The following CAMKV variants were observed in gnomAD, a reference collection of about 807,000 sequenced individuals.
CAMKV encodes the protein CaM kinase like vesicle associated, also known as caM kinase-like vesicle-associated protein.
In CAMKV, 5 loss-of-function variants were observed where a neutral mutation model predicts 50.2. That is an observed-to-expected ratio of 0.10 (90% CI 0.05 to 0.21). CAMKV has a LOEUF of 0.21. Among genes scored for constraint, CAMKV ranks in the 10% least tolerant of loss-of-function variants. The pLI is 1.00. For synonymous variants in CAMKV, 229 were observed against 250.1 expected (o/e 0.92, Z 0.80); for missense variants, 361 against 650.5 (o/e 0.55, Z 4.84).
intron 1 of CAMKV, among the ~76,000 whole-genome samples, chr3:49,865,758 G>C (rs1024311218): frequency 6.6e-6 from 1 of 152,216 alleles, no homozygotes; most frequent in Non-Finnish European, 1.5e-5. Context: ...GATGCTCGAA[G>C]GCCAGACTCA....
Position 49,859,499 on chromosome 3 carries a change from G to T in CAMKV, c.1325C>A (p.Thr442Asn). 1.2e-6 allele frequency: 2 copies of T among 1,614,210 alleles called. No homozygotes were observed. The highest frequency in any genetic ancestry group is 1.7e-6 in the Non-Finnish European group (2 of 1,180,024). The change falls in exon 11 of 11, where the codon ACT (threonine) becomes AAT (asparagine). Residue 442 changes from threonine to asparagine, a missense_variant. Physicochemically the swap from Thr to Asn is moderately conservative, Grantham distance 65. This residue lies in a region of CAMKV where 75 missense variants were observed against 84.2 expected (regional missense o/e 0.89). Coordinates refer to ENST00000477224, the MANE Select transcript of CAMKV (RefSeq NM_024046.5). This position sits in a 1 kb window ranked among gnomAD's most constrained non-coding sequence, Gnocchi z 5.5. ...GGCACTGCTTTGGGTGGTGGGCACA[G>T]TGCTCTCTTCTGTGGCTGGTGTGGC... The part of the protein sequence containing the change: ...GRATPATEES[T>N]VPTTQSSAML...
rs1342996771 is a variant in CAMKV, at chr3:49,862,928, A to T, written c.-14-526T>A. 6.6e-6 allele frequency among the ~76,000 whole-genome samples: 1 copy of T among 152,252 alleles called. No individual in the cohort carries two copies. Among genetic ancestry groups the T allele is most frequent in the Non-Finnish European group, 1.5e-5 (1 of 68,048 alleles). ...GCACTCCTAAATACGTGCCTACAGA[A>T]GTGCACATATTCGTGCATCAGGACA... On this transcript the variant is annotated intron_variant, in intron 1 of 10. Transcript: ENST00000477224. The surrounding 1 kb of genome is among the most constrained non-coding windows in gnomAD (Gnocchi z 5.2).
chr3:49,859,275 A>G lies in CAMKV; in HGVS notation c.*43T>C. 6 of 1,467,484 alleles carry G rather than the reference A, an allele frequency of 4.1e-6. No homozygotes were observed. Among genetic ancestry groups the G allele is most frequent in the Non-Finnish European group, 5.5e-6 (6 of 1,100,196 alleles). 90.9% of individuals were successfully genotyped at this position (1,467,484 alleles called of 1,614,324 possible). ...TGAGAAGCCCCTCATCCACTCTCCCACCCTCCTGCCCATCCCCTGCCCCCC... is the reference window on the plus strand; with the variant it reads ...TGAGAAGCCCCTCATCCACTCTCCCGCCCTCCTGCCCATCCCCTGCCCCCC... On this transcript the variant is annotated 3_prime_UTR_variant, in exon 11 of 11. Transcript: ENST00000477224. The surrounding 1 kb of genome is among the most constrained non-coding windows in gnomAD (Gnocchi z 5.5).
At chr3:49,866,969 A>G (rs2082070251) in intron 1 of CAMKV, among the ~76,000 whole-genome samples, 1 of 152,172 alleles carries the variant, frequency 6.6e-6, no homozygotes, top group African/African-American at 2.4e-5. Context: ...GCTTGCAGTA[A>G]ATCTAGGGAG....
chr3:49,864,018 G>T lies in CAMKV; in HGVS notation c.-14-1616C>A, dbSNP rs376013952. Among the ~76,000 whole-genome samples, 25 of 152,252 alleles carry T rather than the reference G, an allele frequency of 1.6e-4. No individual in the cohort carries two copies. The East Asian group carries it at 2.1e-3, about 13-fold the overall frequency. The stretch of plus-strand genomic sequence containing the variant: ...TACCCTCACAAACTCTTTTCTGGAA[G>T]AATACTGAAGGAAATAAGAGTTCTC... On this transcript the variant is annotated intron_variant, in intron 1 of 10. Transcript: ENST00000477224.
Position 49,862,132 on chromosome 3 carries a change from C to G in CAMKV, c.140G>C (p.Gly47Ala). 1 of 1,614,220 alleles carries G rather than the reference C, an allele frequency of 6.2e-7. No homozygotes were observed. The highest frequency in any genetic ancestry group is 8.5e-7 in the Non-Finnish European group (1 of 1,180,044). The change falls in exon 3 of 11, where the codon GGC (glycine) becomes GCC (alanine). Residue 47 changes from glycine to alanine, a missense_variant. Gly to Ala is a moderately conservative substitution (Grantham distance 60). This residue lies in a region of CAMKV where 172 missense variants were observed against 414.3 expected (regional missense o/e 0.42). Coordinates refer to ENST00000477224, the MANE Select transcript of CAMKV (RefSeq NM_024046.5). The surrounding 1 kb of genome is among the most constrained non-coding windows in gnomAD (Gnocchi z 5.2). ...EIFRAKDKTT[G>A]KLHTCKKFQK... is the part of the protein sequence containing the mutation. ...GAACTTCTTGCAGGTGTGCAGCTTG[C>G]CTGTCGTCTTGTCCTTGGCCCGGAA...
At position 49,861,298 on chromosome 3, in the gene CAMKV, C is replaced by G. The variant is rs2082019363; in HGVS notation, c.444G>C (p.Leu148=). ...GCCGGTTGTAGTAAACCAGGTTCTC[C>G]AGCTGTGGTGTGAGAATAGCATGTG... ...SLKIVHRNLK[L]ENLVYYNRLK... Residue 148 remains leucine, a splice_region_variant and synonymous_variant, in exon 6 of 11, where the codon CTG becomes CTC. Coordinates refer to ENST00000477224, the MANE Select transcript of CAMKV (RefSeq NM_024046.5). The surrounding 1 kb of genome is among the most constrained non-coding windows in gnomAD (Gnocchi z 7.7). 2 of 1,614,106 alleles carry G rather than the reference C, an allele frequency of 1.2e-6. No homozygotes were observed. Among genetic ancestry groups the G allele is most frequent in the African/African-American group, 2.7e-5 (2 of 75,052 alleles).
chr3:49,861,196 C>T lies in CAMKV; in HGVS notation c.546G>A (p.Gly182=), dbSNP rs1575406579. 2 of 1,611,330 alleles carry T rather than the reference C, an allele frequency of 1.2e-6. No homozygotes were observed. Among genetic ancestry groups the T allele is most frequent in the East Asian group, 4.5e-5 (2 of 44,694 alleles). ...CCTGCTTGCCCAGATACTCGGGGGT[C>T]CCACAGGGCTCCTTGATGAGGCCAT... The part of the protein sequence containing the change: ...LENGLIKEPC[G]TPEYLAPEVV... Residue 182 remains glycine (G), a synonymous_variant, in exon 6 of 11, where the codon GGG becomes GGA. Transcript: ENST00000477224. This position sits in a 1 kb window ranked among gnomAD's most constrained non-coding sequence, Gnocchi z 7.7.
intron 1 of CAMKV, among the ~76,000 whole-genome samples, chr3:49,865,907 G>C (rs925325308): frequency 1.3e-5 from 2 of 152,308 alleles, no homozygotes; most frequent in East Asian, 3.9e-4. Flanking sequence ...CCCAGCTTTC[G>C]GCTCTGCATA....
At chr3:49,864,137 G>A (rs768680777) in intron 1 of CAMKV, among the ~76,000 whole-genome samples, 11 of 152,286 alleles carry the variant, frequency 7.2e-5, no homozygotes, top group African/African-American at 9.6e-5. Flanking sequence ...TAATGACTTC[G>A]ATGAATTTAG....
chr3:49,869,300 C>T lies in CAMKV; in HGVS notation c.-15+458G>A, dbSNP rs974617881. On this transcript the variant is annotated intron_variant, in intron 1 of 10. Coordinates refer to ENST00000477224, the MANE Select transcript of CAMKV (RefSeq NM_024046.5). The surrounding 1 kb of genome is among the most constrained non-coding windows in gnomAD (Gnocchi z 5.2). ...CCCAGGGGCTTGGAGCTTCCTCCCC[C>T]ACCCCGCGGCAGCCCCGCCCAGCCC... 1.3e-5 allele frequency among the ~76,000 whole-genome samples: 2 copies of T among 152,188 alleles called. No individual in the cohort carries two copies. The highest frequency in any genetic ancestry group is 2.9e-5 in the Non-Finnish European group (2 of 68,034).
chr3:49,860,674 C>A lies in CAMKV; in HGVS notation c.775+42G>T. 1 of 1,613,032 alleles carries A rather than the reference C, an allele frequency of 6.2e-7. No homozygotes were observed. Among genetic ancestry groups the A allele is most frequent in the Non-Finnish European group, 8.5e-7 (1 of 1,179,190 alleles). ...AGATGAGAGCAGGACACCCTCCCCA[C>A]TCCCTTGCGTTCTACCAAGTGCTGG... On this transcript the variant is annotated intron_variant, in intron 8 of 10. Transcript: ENST00000477224. This position sits in a 1 kb window ranked among gnomAD's most constrained non-coding sequence, Gnocchi z 6.1.
At position 49,869,872 on chromosome 3, in the gene CAMKV, G is replaced by A. The variant is rs1287259414; in HGVS notation, c.-129C>T. On this transcript the variant is annotated 5_prime_UTR_variant, in exon 1 of 11. Transcript: ENST00000477224. The surrounding 1 kb of genome is among the most constrained non-coding windows in gnomAD (Gnocchi z 5.2). Reference sequence around the variant, plus strand: ...AGCACGCGGGGCAGACGCGGCGCCAGATGCAGCCGCTTCGGCTAGCGAACC... The same window carrying A: ...AGCACGCGGGGCAGACGCGGCGCCAAATGCAGCCGCTTCGGCTAGCGAACC... 4 of 152,200 alleles carry A rather than the reference G, an allele frequency of 2.6e-5. No homozygotes were observed. Among genetic ancestry groups the A allele is most frequent in the African/African-American group, 7.2e-5 (3 of 41,456 alleles). The allele number at this position is 152,200 out of a possible 1,614,324, so 9.4% of individuals were successfully genotyped here. A position where few individuals can be genotyped will look rare whatever the true frequency, so the allele number is the denominator to read the frequency against.
At chr3:49,868,729 G>A (rs2082083684) in intron 1 of CAMKV, among the ~76,000 whole-genome samples, 1 of 152,168 alleles carries the variant, frequency 6.6e-6, no homozygotes, top group African/African-American at 2.4e-5. Flanking sequence ...CAACTCTGAG[G>A]GTGGGGGAGG....
In CAMKV at chr3:49,860,494, T is replaced by C. The variant is rs1443181910; in HGVS notation, c.831A>G (p.Ala277=). ...ACCACTCATGGGAGATGGCCTCTTC[T>C]GCAGTGATCCGCTGGTCTTGCTCCA... ...MEVEQDQRIT[A]EEAISHEWIS... is the part of the protein sequence containing the mutation. Residue 277 remains alanine (A), a synonymous_variant, in exon 9 of 11, where the codon GCA becomes GCG. Coordinates refer to ENST00000477224, the MANE Select transcript of CAMKV (RefSeq NM_024046.5). The surrounding 1 kb of genome is among the most constrained non-coding windows in gnomAD (Gnocchi z 6.1). The C allele has an allele frequency of 6.8e-6, 11 of 1,613,506 alleles. No individual in the cohort carries two copies. The highest frequency in any genetic ancestry group is 9.3e-6 in the Non-Finnish European group (11 of 1,179,820).
In CAMKV at chr3:49,862,534, G is replaced by T; in HGVS notation, c.-14-132C>A. 3 of 743,976 alleles carry T rather than the reference G, an allele frequency of 4.0e-6. No homozygotes were observed. Among genetic ancestry groups the T allele is most frequent in the Non-Finnish European group, 6.9e-6 (3 of 433,098 alleles). The allele number at this position is 743,976 out of a possible 1,614,324, so 46.1% of individuals were successfully genotyped here. ...GAGACCATACCAGGAGGGGCTAGAG[G>T]ATAGGCAGGCTTAGATCCTACCCCT... On this transcript the variant is annotated intron_variant, in intron 1 of 10. Coordinates refer to ENST00000477224, the MANE Select transcript of CAMKV (RefSeq NM_024046.5). The surrounding 1 kb of genome is among the most constrained non-coding windows in gnomAD (Gnocchi z 5.2).
intron 1 of CAMKV, among the ~76,000 whole-genome samples, chr3:49,866,487 A>G (rs2082066505): frequency 1.3e-5 from 2 of 152,208 alleles, no homozygotes; most frequent in African/African-American, 4.8e-5. Context: ...ATGGAAGGGC[A>G]TGGGAGCTCC....
Position 49,859,969 on chromosome 3 carries a change from A to T in CAMKV, c.943-88T>A. 1 of 1,266,062 alleles carries T rather than the reference A, an allele frequency of 7.9e-7. No individual in the cohort carries two copies. Among genetic ancestry groups the T allele is most frequent in the Non-Finnish European group, 1.1e-6 (1 of 934,396 alleles). The allele number at this position is 1,266,062 out of a possible 1,614,324, so 78.4% of individuals were successfully genotyped here. A position where few individuals can be genotyped will look rare whatever the true frequency, so the allele number is the denominator to read the frequency against. On this transcript the variant is annotated intron_variant, in intron 10 of 10. Transcript: ENST00000477224. The surrounding 1 kb of genome is among the most constrained non-coding windows in gnomAD (Gnocchi z 5.5). ...GACCAAACCAAACTCCTTCCATAGT[A>T]CCCCCGGCCACCTCCATCCACCCCA... is the stretch of plus-strand genomic sequence containing the variant.
chr3:49,866,467 C>T (rs1449217756), intron 1 of CAMKV, among the ~76,000 whole-genome samples: 1 of 152,216 alleles, frequency 6.6e-6, no homozygotes, highest in Non-Finnish European at 1.5e-5. Context: ...TCCTCAGGTA[C>T]ACTTAGGCCA....
Sources: gnomAD v4.1 joint callset for allele counts (sites outside exome capture counted in the v4.1 genomes callset) on GRCh38, gnomAD v4.1.1 for gene constraint, gnomAD v4.1.1 regional missense constraint, Gnocchi (gnomAD v3.1) non-coding constraint, MANE v1.5 for transcripts, NCBI Gene and HGNC (gene_info 2026-07-23, HGNC 2026-07-21) for gene names.